The following SP3 variants were observed in gnomAD, a reference collection of about 807,000 sequenced individuals.
SP3 encodes Sp3 transcription factor.
Under a neutral mutation model 70.3 loss-of-function variants are expected in SP3, and 10 were observed. The ratio of observed to expected loss-of-function variants is 0.14; its 90% CI spans 0.09 to 0.24. The LOEUF is 0.24. Among genes scored for constraint, SP3 ranks in the 10% least tolerant of loss-of-function variants. The pLI is 1.00. For synonymous variants in SP3, 402 were observed against 333.5 expected, an observed-to-expected ratio of 1.21 and a Z score of -2.24; for missense variants, 825 against 914.6, an observed-to-expected ratio of 0.90 and a Z score of 1.26.
chr2:173,936,801 CTT>C (rs139549496), intron 4 of SP3, among the ~76,000 whole-genome samples: 4 of 147,188 alleles, frequency 2.7e-5, no homozygotes, highest in Non-Finnish European at 3.0e-5. Flanking sequence ...CTATTCTTAC[CTT>C]TTTTTTTTTT....
chr2:173,951,548 T>C (rs959056267), intron 4 of SP3, among the ~76,000 whole-genome samples: 1 of 152,326 alleles, frequency 6.6e-6, no homozygotes, highest in African/African-American at 2.4e-5. Context: ...AAAGAAGACA[T>C]TTAAAGTCTC....
At chr2:173,918,001 T>A (rs4416182) in intron 5 of SP3, among the ~76,000 whole-genome samples, 16,823 of 150,850 alleles carry the variant, frequency 0.11, 1,087 homozygotes, top group African/African-American at 0.17. Flanking sequence ...TTTTTTTTTT[T>A]AAAAAAAATA....
In SP3 at chr2:173,964,485, C is replaced by T. The variant is rs767113905; in HGVS notation, c.76G>A (p.Gly26Ser). Residue 26 changes from glycine (G) to serine (S), a missense_variant, in exon 2 of 7, where the codon GGC (glycine) becomes AGC (serine). Around this residue, in one of 4 missense-constraint regions of SP3, gnomAD observed 678 missense variants for 651.6 expected, o/e 1.04. Transcript: ENST00000310015. Reference protein sequence around the residue: ...LDVDSGGGGGGGGGHGEYLQQ... With the variant: ...LDVDSGGGGGSGGGHGEYLQQ... The stretch of plus-strand genomic sequence containing the variant: ...AGATACTCGCCGTGGCCGCCGCCGC[C>T]GCCACCGCCGCCGCCGCTATCCACG... 22 of 705,516 alleles carry T rather than the reference C, an allele frequency of 3.1e-5. 1 individual carries two copies. In the South Asian group the frequency reaches 3.1e-4, roughly 10 times the overall value. 43.7% of individuals were successfully genotyped at this position (705,516 alleles called of 1,614,324 possible).
At chr2:173,945,979 T>C (rs1690523482) in intron 4 of SP3, among the ~76,000 whole-genome samples, 4 of 151,980 alleles carry the variant, frequency 2.6e-5, no homozygotes, top group Admixed American at 6.6e-5. Flanking sequence ...ACACAAAAAT[T>C]AGCCAGGCAT....
intron 4 of SP3, among the ~76,000 whole-genome samples, chr2:173,950,479 G>A (rs1690679490): frequency 6.6e-6 from 1 of 152,092 alleles, no homozygotes; most frequent in African/African-American, 2.4e-5. Context: ...AGCAGTTCAA[G>A]ACCAACTTGG....
At position 173,902,440 on chromosome 2, in the gene SP3, TAAG is replaced by T. The variant is rs1304175471; in HGVS notation, c.*7498_*7500del. On this transcript the variant is annotated 3_prime_UTR_variant, in exon 7 of 7. Transcript: ENST00000310015. ...GGAAGTATCTGGTGAAACTGAAGATTAAGAATATCCTGTTGGCCAGTGATTCAA... is the reference window on the plus strand; with the variant it reads ...GGAAGTATCTGGTGAAACTGAAGATTAATATCCTGTTGGCCAGTGATTCAA... Among the ~76,000 whole-genome samples the T allele has an allele frequency of 1.3e-5, 2 of 152,188 alleles. No individual in the cohort carries two copies. Among genetic ancestry groups the T allele is most frequent in the East Asian group, 3.9e-4 (2 of 5,194 alleles).
intron 4 of SP3, among the ~76,000 whole-genome samples, chr2:173,928,578 CCTGAGTTGGT>C (rs1689981891): frequency 7.1e-6 from 1 of 140,784 alleles, no homozygotes; most frequent in African/African-American, 3.2e-5. Context: ...TGTAAACAAT[CCTGAGTTGGT>C]ATCAATATAA....
intron 3 of SP3, among the ~76,000 whole-genome samples, chr2:173,958,339 CAAG>C (rs1690959252): frequency 6.7e-6 from 1 of 148,504 alleles, no homozygotes; most frequent in African/African-American, 2.5e-5. Flanking sequence ...GCTTTCTAGT[CAAG>C]AAATTCCTTG....
chr2:173,945,269 T>A (rs566988523), intron 4 of SP3, among the ~76,000 whole-genome samples: 82 of 152,324 alleles, frequency 5.4e-4, no homozygotes, highest in Middle Eastern at 6.8e-3. Context: ...TAAGAAAGTA[T>A]AATTTAAAAT....
At chr2:173,952,022 T>C (rs1156857017) in intron 4 of SP3, among the ~76,000 whole-genome samples, 1 of 152,158 alleles carries the variant, frequency 6.6e-6, no homozygotes, top group Non-Finnish European at 1.5e-5. Context: ...ATTCTAATTT[T>C]CACTGGAAAG....
intron 4 of SP3, among the ~76,000 whole-genome samples, chr2:173,932,583 T>C (rs1431845731): frequency 6.6e-6 from 1 of 152,128 alleles, no homozygotes; most frequent in Non-Finnish European, 1.5e-5. Flanking sequence ...AGTCAGAACA[T>C]ACAACCTTTA....
chr2:173,940,022 C>CA (rs1451189875), intron 4 of SP3, among the ~76,000 whole-genome samples: 1 of 152,018 alleles, frequency 6.6e-6, no homozygotes, highest in Non-Finnish European at 1.5e-5. Context: ...TATGGGCACA[C>CA]ATTACTGTGA....
chr2:173,928,792 G>C (rs931124855), intron 4 of SP3, among the ~76,000 whole-genome samples: 2 of 152,148 alleles, frequency 1.3e-5, no homozygotes, highest in African/African-American at 4.8e-5. Context: ...AAAAGCCAAA[G>C]ACCTGGATCT....
chr2:173,923,198 G>C (rs373364219), intron 4 of SP3, among the ~76,000 whole-genome samples: 2 of 151,878 alleles, frequency 1.3e-5, no homozygotes, highest in East Asian at 3.9e-4. Context: ...CTTTTCATTT[G>C]ATGAGTTATT....
At chr2:173,965,499 C>T (rs1691266769), upstream of SP3, 2 of 311,842 alleles carry the variant, frequency 6.4e-6, no homozygotes, top group Non-Finnish European at 1.2e-5. Flanking sequence ...TGTTTGCCCC[C>T]GGGTGGAAGG....
At chr2:173,936,393 T>A (rs1448204173) in intron 4 of SP3, among the ~76,000 whole-genome samples, 3 of 152,208 alleles carry the variant, frequency 2.0e-5, no homozygotes, top group Non-Finnish European at 4.4e-5. Context: ...CAAGCATTGA[T>A]TTATTCACGT....
At chr2:173,934,066 T>C (rs1690149064) in intron 4 of SP3, among the ~76,000 whole-genome samples, 1 of 151,800 alleles carries the variant, frequency 6.6e-6, no homozygotes, top group Non-Finnish European at 1.5e-5. Flanking sequence ...ACCCCATCAT[T>C]ACAAAAAATT....
rs1690052237 is a variant in SP3, at chr2:173,931,091, A to T, written c.1640-12306T>A. Among the ~76,000 whole-genome samples the T allele has an allele frequency of 2.6e-5, 4 of 152,340 alleles. No homozygotes were observed. The South Asian group carries it at 8.3e-4, about 32-fold the overall frequency. Reference sequence around the variant, plus strand: ...AGTCTATTAAGTGTGCAACAGCATTATGTCTAAAAAAACAAAAAGTACATT... The same window carrying T: ...AGTCTATTAAGTGTGCAACAGCATTTTGTCTAAAAAAACAAAAAGTACATT... On this transcript the variant is annotated intron_variant, in intron 4 of 6. Coordinates refer to ENST00000310015, the MANE Select transcript of SP3 (RefSeq NM_003111.5).
intron 4 of SP3, among the ~76,000 whole-genome samples, chr2:173,933,641 TATA>T (rs1690129982): frequency 9.0e-6 from 1 of 110,902 alleles, no homozygotes; most frequent in African/African-American, 4.7e-5. Context: ...TAAAACTTTA[TATA>T]TATATATATA....
Sources: allele counts gnomAD v4.1 joint callset (sites outside exome capture counted in the v4.1 genomes callset), GRCh38; gene constraint gnomAD v4.1.1; regional missense constraint gnomAD v4.1.1; transcripts MANE v1.5; gene names NCBI Gene and HGNC (gene_info 2026-07-23, HGNC 2026-07-21).